The following ZNF738 variants were observed in gnomAD, a reference collection of about 807,000 sequenced individuals.
The protein encoded by ZNF738 is zinc finger protein 738.
A neutral mutation model predicts 9.2 loss-of-function variants in ZNF738; 10 were observed. The ratio of observed to expected loss-of-function variants is 1.09; its 90% CI spans 0.67 to 1.85. The LOEUF is 1.85. Among genes scored for constraint, ZNF738 ranks in the 40% most tolerant of loss-of-function variants. The pLI is 0.00. For synonymous variants in ZNF738, 113 were observed against 94.5 expected, an observed-to-expected ratio of 1.20 and a Z score of -1.14; for missense variants, 346 against 283.6, an observed-to-expected ratio of 1.22 and a Z score of -1.58.
At chr19:21,364,585 A>G (rs541710879) in intron 2 of ZNF738, among the ~76,000 whole-genome samples, 1 of 152,274 alleles carries the variant, frequency 6.6e-6, no homozygotes, top group South Asian at 2.1e-4. Context: ...AAACCCCAAG[A>G]GAGGGTCCTT....
rs1974032369 is a variant in ZNF738, at chr19:21,383,530, C to T, written c.984C>T (p.Phe328=). The T allele has an allele frequency of 1.1e-6, 1 of 946,864 alleles. No individual in the cohort carries two copies. Among genetic ancestry groups the T allele is most frequent in the Non-Finnish European group, 1.7e-6 (1 of 590,902 alleles). The allele number at this position is 946,864 out of a possible 1,614,324, so 58.7% of individuals were successfully genotyped here. ...GATGTGGCAAAGCTTTCTGCCAATT[C>T]TCATACCTTACTAAACATAAGATAA... is the stretch of plus-strand genomic sequence containing the variant. ...CEGCGKAFCQ[F]SYLTKHKIIH... Residue 328 remains phenylalanine (F), a synonymous_variant, in exon 5 of 5, where the codon TTC becomes TTT. Transcript: ENST00000683779.
chr19:21,361,991 A>C, intron 2 of ZNF738, 133 bp downstream of exon 2: 1 of 569,714 alleles, frequency 1.8e-6, no homozygotes, highest in South Asian at 2.0e-5. Context: ...CTGAGGCAGG[A>C]CAATCACTTG....
At chr19:21,378,738 T>C in intron 4 of ZNF738, 1 of 319,622 alleles carries the variant, frequency 3.1e-6, no homozygotes, top group South Asian at 2.4e-5. Context: ...TAGCTGGGAT[T>C]ACGGGCATAT....
At chr19:21,375,761 G>A in intron 3 of ZNF738, 108 bp from the exon 4 acceptor site, 1 of 524,660 alleles carries the variant, frequency 1.9e-6, no homozygotes, top group Non-Finnish European at 3.5e-6. Context: ...AGTATTTTGG[G>A]ATGAATTTTC....
rs1029218721 is a variant in ZNF738 at position 21,383,415 on chromosome 19, G to A, written c.869G>A (p.Cys290Tyr). ...CATGCTGGAGAGAAACACTACAAAT[G>A]TGAAAAATGTGGCAAAGATTTTAAA... ...VIHAGEKHYK[C>Y]EKCGKDFKQS... Residue 290 changes from cysteine (C) to tyrosine (Y), a missense_variant, in exon 5 of 5, where the codon TGT (cysteine) becomes TAT (tyrosine). Transcript: ENST00000683779. 1.7e-5 allele frequency: 10 copies of A among 576,494 alleles called. No homozygotes were observed. Among genetic ancestry groups the A allele is most frequent in the African/African-American group, 6.0e-5 (3 of 49,710 alleles). 35.7% of individuals were successfully genotyped at this position (576,494 alleles called of 1,614,324 possible).
At chr19:21,380,199 A>G (rs532357323) in intron 4 of ZNF738, among the ~76,000 whole-genome samples, 17 of 152,348 alleles carry the variant, frequency 1.1e-4, no homozygotes, top group African/African-American at 3.6e-4. Flanking sequence ...GCTACAAACC[A>G]TAGTTTCAAA....
intron 2 of ZNF738, among the ~76,000 whole-genome samples, chr19:21,374,523 T>C (rs1221323660): frequency 6.6e-6 from 1 of 152,260 alleles, no homozygotes; most frequent in Non-Finnish European, 1.5e-5. Context: ...AATATTCATT[T>C]CACTGTAGAG....
intron 2 of ZNF738, among the ~76,000 whole-genome samples, chr19:21,373,531 G>A (rs1973882984): frequency 6.6e-6 from 1 of 152,156 alleles, no homozygotes. Flanking sequence ...CCTGAAGACA[G>A]AAATAGAGAA....
At chr19:21,359,263 C>T in intron 1 of ZNF738, 120 bp downstream of exon 1, 1 of 812,186 alleles carries the variant, frequency 1.2e-6, no homozygotes, top group African/African-American at 1.7e-5. Flanking sequence ...GCCCCGAGTT[C>T]TCCTTGCCCA....
chr19:21,376,200 G>C, intron 4 of ZNF738: 1 of 337,692 alleles, frequency 3.0e-6, no homozygotes, highest in Non-Finnish European at 5.5e-6. Flanking sequence ...TCCCTTCATT[G>C]ATTTTCCTTC....
rs1046631594 is a variant in ZNF738, at chr19:21,359,428, G to A, written c.3+285G>A. On this transcript the variant is annotated intron_variant, in intron 1 of 4. Coordinates refer to ENST00000683779, the MANE Select transcript of ZNF738 (RefSeq NM_001355237.2). The stretch of plus-strand genomic sequence containing the variant: ...CGCAGCGCCGCTTCTCTACCGGATT[G>A]TGCAGGGACCGTGGGAGGGTCGTCA... Among the ~76,000 whole-genome samples the A allele has an allele frequency of 4.6e-5, 7 of 152,234 alleles. No homozygotes were observed. In the East Asian group the frequency reaches 1.3e-3, roughly 29 times the overall value.
chr19:21,369,816 C>CT (rs548346186), intron 2 of ZNF738, among the ~76,000 whole-genome samples: 1,392 of 138,226 alleles, frequency 0.01, 17 homozygotes, highest in South Asian at 0.027. Flanking sequence ...CAGCTTCATT[C>CT]TTTTTTTTTT....
At chr19:21,376,648 G>T (rs1387507061) in intron 4 of ZNF738, among the ~76,000 whole-genome samples, 1 of 152,038 alleles carries the variant, frequency 6.6e-6, no homozygotes, top group Non-Finnish European at 1.5e-5. Context: ...TGCCTCCAGC[G>T]ATTCTCCTAT....
rs1974081797 is a variant in ZNF738 at position 21,387,612 on chromosome 19, T to TA, written c.*3939dup. Among the ~76,000 whole-genome samples, 1 of 152,180 alleles carries TA rather than the reference T, an allele frequency of 6.6e-6. No individual in the cohort carries two copies. The highest frequency in any genetic ancestry group is 2.4e-5 in the African/African-American group (1 of 41,448). On this transcript the variant is annotated 3_prime_UTR_variant, in exon 5 of 5. Transcript: ENST00000683779. ...TTATGTTTGAGAAAAATTATACAAA[T>TA]ACAGACTGTGAAAAAGACATTAATA...
Position 21,388,263 on chromosome 19 carries a change from C to G in ZNF738, c.*4589C>G, listed in dbSNP as rs936616291. Among the ~76,000 whole-genome samples, 8 of 152,130 alleles carry G rather than the reference C, an allele frequency of 5.3e-5. No individual in the cohort carries two copies. The highest frequency in any genetic ancestry group is 8.8e-5 in the Non-Finnish European group (6 of 68,004). On this transcript the variant is annotated 3_prime_UTR_variant, in exon 5 of 5. Coordinates refer to ENST00000683779, the MANE Select transcript of ZNF738 (RefSeq NM_001355237.2). ...AAAGCAAATGATGTAATTCAACACTCATTTTCTGGTGTTTCTTCATTCTTA... is the reference window on the plus strand; with the variant it reads ...AAAGCAAATGATGTAATTCAACACTGATTTTCTGGTGTTTCTTCATTCTTA...
intron 2 of ZNF738, among the ~76,000 whole-genome samples, chr19:21,374,011 C>A (rs1264476497): frequency 6.6e-6 from 1 of 152,120 alleles, no homozygotes. Context: ...GCTTCTTATA[C>A]GCCATGCAGA....
At position 21,388,172 on chromosome 19, in the gene ZNF738, GAT is replaced by G. The variant is rs1438705270; in HGVS notation, c.*4499_*4500del. 4.6e-5 allele frequency among the ~76,000 whole-genome samples: 7 copies of G among 152,078 alleles called. No individual in the cohort carries two copies. The East Asian group carries it at 1.3e-3, about 29-fold the overall frequency. ...GTATATAAATTTAAGAGGAGTAAAA[GAT>G]TTTTTGCAGAGTAATAACTACATTC... On this transcript the variant is annotated 3_prime_UTR_variant, in exon 5 of 5. Coordinates refer to ENST00000683779, the MANE Select transcript of ZNF738 (RefSeq NM_001355237.2).
intron 1 of ZNF738, among the ~76,000 whole-genome samples, chr19:21,361,556 A>G (rs1311868674): frequency 6.6e-6 from 1 of 152,194 alleles, no homozygotes; most frequent in Non-Finnish European, 1.5e-5. Context: ...TTTTCCTTTT[A>G]TCTTTCTAGG....
rs1056703323 is a variant in ZNF738, at chr19:21,383,424, G to A, written c.878G>A (p.Cys293Tyr). Reference protein sequence around the residue: ...AGEKHYKCEKCGKDFKQSSHL... With the variant: ...AGEKHYKCEKYGKDFKQSSHL... ...GAGAAACACTACAAATGTGAAAAATGTGGCAAAGATTTTAAACAGTCCTCA... is the reference window on the plus strand; with the variant it reads ...GAGAAACACTACAAATGTGAAAAATATGGCAAAGATTTTAAACAGTCCTCA... The change falls in exon 5 of 5, where the codon TGT becomes TAT. Residue 293 changes from cysteine (C) to tyrosine (Y), a missense_variant. Physicochemically the swap from Cys to Tyr is radical, Grantham distance 194 (BLOSUM62 -2). Coordinates refer to ENST00000683779, the MANE Select transcript of ZNF738 (RefSeq NM_001355237.2). The A allele has an allele frequency of 3.7e-5, 21 of 573,780 alleles. No individual in the cohort carries two copies. The highest frequency in any genetic ancestry group is 5.7e-5 in the Non-Finnish European group (19 of 330,596). The allele number at this position is 573,780 out of a possible 1,614,324, so 35.5% of individuals were successfully genotyped here.
Sources: gnomAD v4.1 joint callset for allele counts (sites outside exome capture counted in the v4.1 genomes callset) on GRCh38, gnomAD v4.1.1 for gene constraint, MANE v1.5 for transcripts, NCBI Gene and HGNC (gene_info 2026-07-23, HGNC 2026-07-21) for gene names.